The following FARP1 variants were observed in gnomAD, a reference collection of about 807,000 sequenced individuals.
The protein encoded by FARP1 is FERM, ARHGEF and pleckstrin domain-containing protein 1.
FARP1 carries 52 observed loss-of-function variants against 128.8 expected under a neutral mutation model. The observed-to-expected ratio is 0.40, with a 90% CI of 0.32 to 0.51. The LOEUF is 0.51. Ranked by LOEUF, FARP1 falls within the 20% of genes least tolerant of loss-of-function variation. FARP1 has a pLI of 0.45. For synonymous variants in FARP1, 580 were observed against 551.8 expected (o/e 1.05, Z -0.72); for missense variants, 1,333 against 1,367.9 (o/e 0.97, Z 0.40).
intron 2 of FARP1, among the ~76,000 whole-genome samples, chr13:98,313,508 C>A (rs1162273945): frequency 6.6e-6 from 1 of 152,218 alleles, no homozygotes; most frequent in Non-Finnish European, 1.5e-5. Flanking sequence ...CCTGCTAATG[C>A]CTTGACCTTG....
Position 98,450,102 on chromosome 13 carries a change from T to G in FARP1, c.*1785T>G, listed in dbSNP as rs1385042958. On this transcript the variant is annotated 3_prime_UTR_variant, in exon 27 of 27. Transcript: ENST00000319562. ...GGTTCTGACCTGTGACCAGCACCTC[T>G]GCTTCCTGTGTGCCCTCAAGAAAAT... 6.6e-6 allele frequency: 1 copy of G among 152,254 alleles called. No individual in the cohort carries two copies. Among genetic ancestry groups the G allele is most frequent in the African/African-American group, 2.4e-5 (1 of 41,464 alleles). 9.4% of individuals were successfully genotyped at this position (152,254 alleles called of 1,614,324 possible).
chr13:98,178,492 C>A (rs189417568), intron 1 of FARP1, among the ~76,000 whole-genome samples: 1 of 152,172 alleles, frequency 6.6e-6, no homozygotes, highest in African/African-American at 2.4e-5. Context: ...CACTGCACCC[C>A]GCCTTCAAAT....
Position 98,439,942 on chromosome 13 carries a change from T to C in FARP1, c.2434-19T>C. 1 of 1,527,158 alleles carries C rather than the reference T, an allele frequency of 6.5e-7. No individual in the cohort carries two copies. Among genetic ancestry groups the C allele is most frequent in the Non-Finnish European group, 8.9e-7 (1 of 1,127,858 alleles). The allele number at this position is 1,527,158 out of a possible 1,614,324, so 94.6% of individuals were successfully genotyped here. ...TGCATCACGTGCCTCATGGTGACGT[T>C]ATCTTCTCTTGCCCACAGATTGAGG... On this transcript the variant is annotated intron_variant, in intron 21 of 26. Coordinates refer to ENST00000319562, the MANE Select transcript of FARP1 (RefSeq NM_005766.4).
intron 2 of FARP1, among the ~76,000 whole-genome samples, chr13:98,323,130 C>T (rs1401817645): frequency 7.2e-5 from 11 of 152,066 alleles, no homozygotes; most frequent in South Asian, 2.1e-4. Flanking sequence ...TTTAATGATC[C>T]GTGGTGAAAG....
At chr13:98,393,550 C>T (rs1471827886) in intron 11 of FARP1, 93 bp from the exon 12 acceptor site, 7 of 942,926 alleles carry the variant, frequency 7.4e-6, no homozygotes, top group Admixed American at 5.9e-5. Context: ...GGCACTAATA[C>T]GTCCAACAAA....
At chr13:98,188,969 C>T (rs58227572) in intron 1 of FARP1, among the ~76,000 whole-genome samples, 26 of 152,276 alleles carry the variant, frequency 1.7e-4, no homozygotes, top group African/African-American at 5.8e-4. Context: ...GGTGGCAAAC[C>T]GATAAGGCCC....
intron 2 of FARP1, among the ~76,000 whole-genome samples, chr13:98,292,682 G>A (rs1388236529): frequency 6.6e-6 from 1 of 152,182 alleles, no homozygotes; most frequent in Non-Finnish European, 1.5e-5. Context: ...GGAGAACATA[G>A]TATAGGAACC....
intron 13 of FARP1, chr13:98,395,910 C>T: frequency 2.5e-6 from 1 of 399,784 alleles, no homozygotes. Context: ...TGAGTTGGGA[C>T]AGAACTGGGT....
intron 13 of FARP1, chr13:98,396,567 T>C: frequency 2.5e-6 from 1 of 398,830 alleles, no homozygotes; most frequent in Non-Finnish European, 4.4e-6. Context: ...TCATCTGTTC[T>C]AGTGACTCAT....
In FARP1 at chr13:98,143,375, C is replaced by G. The variant is rs1292001509; in HGVS notation, c.-141C>G. On this transcript the variant is annotated 5_prime_UTR_variant, in exon 1 of 27. Coordinates refer to ENST00000319562, the MANE Select transcript of FARP1 (RefSeq NM_005766.4). ...CCTGCTCGCGCGCCCGCGCCGCCGCCGCCCGCGGGTATTAATAGCCGGCGC... is the reference window on the plus strand; with the variant it reads ...CCTGCTCGCGCGCCCGCGCCGCCGCGGCCCGCGGGTATTAATAGCCGGCGC... The G allele has an allele frequency of 6.7e-6, 1 of 150,094 alleles. No homozygotes were observed. Among genetic ancestry groups the G allele is most frequent in the Non-Finnish European group, 1.5e-5 (1 of 67,082 alleles). The allele number at this position is 150,094 out of a possible 1,614,324, so 9.3% of individuals were successfully genotyped here. A position where few individuals can be genotyped will look rare whatever the true frequency, so the allele number is the denominator to read the frequency against.
chr13:98,193,081 G>A (rs1232192020), intron 1 of FARP1, among the ~76,000 whole-genome samples: 1 of 143,280 alleles, frequency 7.0e-6, no homozygotes, highest in East Asian at 2.1e-4. Context: ...TTTTCGAGAT[G>A]GAGTCTCACT....
At chr13:98,150,344 T>C (rs1172536707) in intron 1 of FARP1, among the ~76,000 whole-genome samples, 1 of 152,232 alleles carries the variant, frequency 6.6e-6, no homozygotes, top group South Asian at 2.1e-4. Context: ...CTTTACTGTT[T>C]TTAATTTTTT....
At chr13:98,289,910 T>A (rs1480668252) in intron 2 of FARP1, among the ~76,000 whole-genome samples, 2 of 152,166 alleles carry the variant, frequency 1.3e-5, no homozygotes, top group African/African-American at 4.8e-5. Flanking sequence ...ATAGGAACAT[T>A]TGTCCTGGAA....
Position 98,144,073 on chromosome 13 carries a change from T to A in FARP1, c.-24+581T>A, listed in dbSNP as rs977822951. Among the ~76,000 whole-genome samples the A allele has an allele frequency of 2.5e-4, 38 of 152,278 alleles. 1 individual carries two copies. The highest frequency in any genetic ancestry group is 2.5e-3 in the South Asian group (12 of 4,826). On this transcript the variant is annotated intron_variant, in intron 1 of 26. Transcript: ENST00000319562. ...CCTTTATGCAGGGCAAAGTTTTTTT[T>A]ATTTTTTATTTTTTAAAGCAAAGGA...
Position 98,452,865 on chromosome 13 carries a change from G to T in FARP1, c.*4548G>T. Reference sequence around the variant, plus strand: ...CATAATCCCAAATATACATTTCAGGGTTTGTTTTTGTTTTTAAAGACACTT... The same window carrying T: ...CATAATCCCAAATATACATTTCAGGTTTTGTTTTTGTTTTTAAAGACACTT... On this transcript the variant is annotated 3_prime_UTR_variant, in exon 27 of 27. Coordinates refer to ENST00000319562, the MANE Select transcript of FARP1 (RefSeq NM_005766.4). 3.3e-6 allele frequency: 1 copy of T among 298,956 alleles called. No individual in the cohort carries two copies. Among genetic ancestry groups the T allele is most frequent in the East Asian group, 5.9e-5 (1 of 16,998 alleles). 18.5% of individuals were successfully genotyped at this position (298,956 alleles called of 1,614,324 possible).
chr13:98,395,322 G>GGAGCC lies in FARP1; in HGVS notation c.1262_1266dup (p.Gly423SerfsTer54). ...GAAAGGAACCGAAGGTTTCCGCCGGGGAGCCGGGGTCGCACCCGAGCCCTG... is the reference window on the plus strand; with the variant it reads ...GAAAGGAACCGAAGGTTTCCGCCGGGGAGCCGAGCCGGGGTCGCACCCGAGCCCTG... On this transcript the variant is annotated frameshift_variant, in exon 13 of 27. Coordinates refer to ENST00000319562, the MANE Select transcript of FARP1 (RefSeq NM_005766.4). LOFTEE classifies it high-confidence loss of function. 1 of 1,610,540 alleles carries GGAGCC rather than the reference G, an allele frequency of 6.2e-7. No individual in the cohort carries two copies. The highest frequency in any genetic ancestry group is 8.5e-7 in the Non-Finnish European group (1 of 1,177,764).
chr13:98,371,316 A>G (rs941481572), intron 5 of FARP1, among the ~76,000 whole-genome samples: 2 of 147,384 alleles, frequency 1.4e-5, no homozygotes, highest in African/African-American at 2.5e-5. Context: ...GTTGGCTACC[A>G]TTCTGGCCCT....
Position 98,384,864 on chromosome 13 carries a change from T to C in FARP1, c.611+20T>C. On this transcript the variant is annotated intron_variant, in intron 7 of 26. Transcript: ENST00000319562. ...CCACATGTAAGTCTCATTCTTGGCT[T>C]CATATTCCCTCTGAGCCGGTTCTCT... The C allele has an allele frequency of 6.9e-7, 1 of 1,459,192 alleles. No individual in the cohort carries two copies. The highest frequency in any genetic ancestry group is 9.6e-7 in the Non-Finnish European group (1 of 1,038,876). The allele number at this position is 1,459,192 out of a possible 1,614,324, so 90.4% of individuals were successfully genotyped here.
intron 1 of FARP1, among the ~76,000 whole-genome samples, chr13:98,190,685 C>T (rs1447696014): frequency 1.3e-5 from 2 of 152,098 alleles, no homozygotes; most frequent in East Asian, 3.9e-4. Context: ...TCTCAGCATC[C>T]TGAGAAGCTA....
Sources: gnomAD v4.1 joint callset for allele counts (sites outside exome capture counted in the v4.1 genomes callset) on GRCh38, gnomAD v4.1.1 for gene constraint, MANE v1.5 for transcripts, NCBI Gene and HGNC (gene_info 2026-07-23, HGNC 2026-07-21) for gene names.